Variants in RSU1 observed in about 807,000 individuals in gnomAD.
RSU1 encodes the protein Ras suppressor protein 1.
A neutral mutation model predicts 31.1 loss-of-function variants in RSU1; 26 were observed. The observed-to-expected ratio is 0.84, with a 90% CI of 0.61 to 1.16. The LOEUF is 1.16. Among genes scored for constraint, RSU1 ranks in the 50% most tolerant of loss-of-function variants. The pLI, the probability that RSU1 is intolerant of heterozygous loss-of-function variation, is 0.00. For missense variants in RSU1, 320 were observed against 339.1 expected, an observed-to-expected ratio of 0.94 and a Z score of 0.44; for synonymous variants, 164 against 136.3, an observed-to-expected ratio of 1.20 and a Z score of -1.41.
intron 8 of RSU1, among the ~76,000 whole-genome samples, chr10:16,664,153 ACT>A (rs1357545144): frequency 1.3e-5 from 2 of 152,000 alleles, no homozygotes; most frequent in East Asian, 1.9e-4. Flanking sequence ...TTAACACATG[ACT>A]CTATTTTATA....
At chr10:16,635,684 C>A (rs1250087770) in intron 8 of RSU1, among the ~76,000 whole-genome samples, 1 of 152,252 alleles carries the variant, frequency 6.6e-6, no homozygotes, top group African/African-American at 2.4e-5. Flanking sequence ...TGTGCTACTG[C>A]CTTTCTTAAA....
intron 8 of RSU1, among the ~76,000 whole-genome samples, chr10:16,614,120 G>A (rs1833937340): frequency 1.3e-5 from 2 of 152,102 alleles, no homozygotes; most frequent in African/African-American, 4.8e-5. Flanking sequence ...GTACAAAGTA[G>A]GTAAGCAAAG....
intron 8 of RSU1, among the ~76,000 whole-genome samples, chr10:16,597,332 C>G (rs1240048755): frequency 6.6e-6 from 1 of 152,172 alleles, no homozygotes; most frequent in East Asian, 1.9e-4. Context: ...CTGTTTCAGT[C>G]TCTGCCTTTT....
intron 3 of RSU1, among the ~76,000 whole-genome samples, chr10:16,778,197 A>G (rs1468600324): frequency 1.3e-5 from 2 of 151,696 alleles, no homozygotes; most frequent in East Asian, 3.9e-4. Context: ...GGGTCTTGCT[A>G]TGTTGCCCAG....
chr10:16,802,702 G>A (rs1332480564), intron 2 of RSU1, among the ~76,000 whole-genome samples: 2 of 151,164 alleles, frequency 1.3e-5, no homozygotes, highest in Non-Finnish European at 1.5e-5. Flanking sequence ...TGACCAAGTG[G>A]AACTTACTCC....
At chr10:16,660,885 G>A (rs1223451892) in intron 8 of RSU1, among the ~76,000 whole-genome samples, 1 of 151,868 alleles carries the variant, frequency 6.6e-6, no homozygotes, top group Non-Finnish European at 1.5e-5. Flanking sequence ...GGCCTCAAGT[G>A]ATCCACCCAC....
At chr10:16,816,580 C>T (rs1465343587) in intron 2 of RSU1, among the ~76,000 whole-genome samples, 4 of 152,198 alleles carry the variant, frequency 2.6e-5, no homozygotes, top group Non-Finnish European at 5.9e-5. Context: ...CACAAGAATG[C>T]TTATTAACCA....
At chr10:16,688,309 T>A (rs1009683847) in intron 8 of RSU1, among the ~76,000 whole-genome samples, 1 of 152,122 alleles carries the variant, frequency 6.6e-6, no homozygotes, top group Non-Finnish European at 1.5e-5. Flanking sequence ...TTTTCAACTT[T>A]AAAAAAGAAA....
chr10:16,787,532 A>T (rs1168114956), intron 2 of RSU1, among the ~76,000 whole-genome samples: 3 of 152,158 alleles, frequency 2.0e-5, no homozygotes, highest in Admixed American at 6.5e-5. Context: ...TCCTCGCCCA[A>T]ATCTCACCTT....
At chr10:16,785,608 C>T (rs562139877) in intron 2 of RSU1, among the ~76,000 whole-genome samples, 11 of 151,404 alleles carry the variant, frequency 7.3e-5, no homozygotes, top group Non-Finnish European at 1.2e-4. Flanking sequence ...CCCCGTGATC[C>T]AGTCACCTCC....
rs968840053 is a variant in RSU1, at chr10:16,624,031, T to G, written c.732-30535A>C. On this transcript the variant is annotated intron_variant, in intron 8 of 8. Coordinates refer to ENST00000345264, the MANE Select transcript of RSU1 (RefSeq NM_012425.4). ...TGCTTCTCAGTCTAAGGGCTCACATTCAGTCTTCTGTTTGTAAAAAGGGAT... is the reference window on the plus strand; with the variant it reads ...TGCTTCTCAGTCTAAGGGCTCACATGCAGTCTTCTGTTTGTAAAAAGGGAT... Among the ~76,000 whole-genome samples the G allele has an allele frequency of 1.6e-4, 25 of 151,672 alleles. No homozygotes were observed. In the East Asian group the frequency reaches 4.7e-3, roughly 28 times the overall value.
intron 8 of RSU1, among the ~76,000 whole-genome samples, chr10:16,627,948 C>T (rs1588682038): frequency 1.3e-5 from 2 of 152,072 alleles, no homozygotes; most frequent in East Asian, 3.9e-4. Flanking sequence ...TTACTTTCTG[C>T]TTCTCCAGCT....
chr10:16,594,055 G>T (rs960261193), intron 8 of RSU1, among the ~76,000 whole-genome samples: 1 of 152,220 alleles, frequency 6.6e-6, no homozygotes, highest in African/African-American at 2.4e-5. Context: ...CATTCATTGC[G>T]CAGCGAAGCT....
intron 8 of RSU1, among the ~76,000 whole-genome samples, chr10:16,619,970 T>G (rs1564288225): frequency 6.6e-6 from 1 of 152,320 alleles, no homozygotes; most frequent in Non-Finnish European, 1.5e-5. Flanking sequence ...AACAGGTTTA[T>G]ACATTTATAT....
At chr10:16,643,320 T>G (rs1193960030) in intron 8 of RSU1, among the ~76,000 whole-genome samples, 1 of 152,200 alleles carries the variant, frequency 6.6e-6, no homozygotes, top group Non-Finnish European at 1.5e-5. Context: ...TGATTCCTAG[T>G]AGATACTTTG....
In RSU1 at chr10:16,796,864, T is replaced by C. The variant is rs12263379; in HGVS notation, c.110-14780A>G. Among the ~76,000 whole-genome samples the C allele has an allele frequency of 4.1e-3, 618 of 151,912 alleles. 4 individuals are homozygous for C. The highest frequency in any genetic ancestry group is 0.014 in the African/African-American group (589 of 41,422). The stretch of plus-strand genomic sequence containing the variant: ...GTTATAAAGTGTCCCCACAAAAAAC[T>C]CCAAAATACAAGTAGATGAGGACAA... On this transcript the variant is annotated intron_variant, in intron 2 of 8. Coordinates refer to ENST00000345264, the MANE Select transcript of RSU1 (RefSeq NM_012425.4).
chr10:16,789,693 C>A (rs568529736), intron 2 of RSU1, among the ~76,000 whole-genome samples: 3 of 152,302 alleles, frequency 2.0e-5, no homozygotes, highest in East Asian at 1.9e-4. Flanking sequence ...GCTACTGGTG[C>A]CTTGCTGACC....
chr10:16,709,208 AT>A (rs550137034), intron 7 of RSU1, among the ~76,000 whole-genome samples: 149 of 143,114 alleles, frequency 1.0e-3, no homozygotes, highest in African/African-American at 3.8e-3. Context: ...ATGTGTTCTC[AT>A]TGTTCAATTC....
At chr10:16,723,089 TATATC>T (rs1286892753) in intron 7 of RSU1, 12 of 151,782 alleles carry the variant, frequency 7.9e-5, no homozygotes, top group Admixed American at 4.6e-4. Context: ...TATACACACA[TATATC>T]ATACGATTTG....
Sources: allele counts gnomAD v4.1 joint callset (sites outside exome capture counted in the v4.1 genomes callset), GRCh38; gene constraint gnomAD v4.1.1; transcripts MANE v1.5; gene names NCBI Gene and HGNC (gene_info 2026-07-23, HGNC 2026-07-21).